Variants in SLC1A1 observed in about 807,000 individuals in gnomAD.
The protein encoded by SLC1A1 is solute carrier family 1 member 1.
Under a neutral mutation model 53.3 loss-of-function variants are expected in SLC1A1, and 43 were observed. The ratio of observed to expected loss-of-function variants is 0.81; its 90% CI spans 0.63 to 1.04. The LOEUF is 1.04. Among genes scored for constraint, SLC1A1 ranks in the 50% least tolerant of loss-of-function variants. SLC1A1 has a pLI of 0.00. For missense variants in SLC1A1, 748 were observed against 664.9 expected, an observed-to-expected ratio of 1.12 and a Z score of -1.37; for synonymous variants, 307 against 243.2, an observed-to-expected ratio of 1.26 and a Z score of -2.44.
intron 1 of SLC1A1, among the ~76,000 whole-genome samples, chr9:4,524,604 T>A (rs1816195271): frequency 6.6e-6 from 1 of 152,172 alleles, no homozygotes; most frequent in Admixed American, 6.5e-5. Context: ...GCTCTGTAAG[T>A]TGGGAAGTTC....
intron 1 of SLC1A1, among the ~76,000 whole-genome samples, chr9:4,526,787 G>T (rs1472071615): frequency 3.3e-5 from 5 of 151,872 alleles, no homozygotes; most frequent in Non-Finnish European, 7.4e-5. Context: ...TTGTAGTAAG[G>T]GATCTACAAT....
At chr9:4,493,556 A>C (rs1820311594) in intron 1 of SLC1A1, among the ~76,000 whole-genome samples, 1 of 152,196 alleles carries the variant, frequency 6.6e-6, no homozygotes, top group Non-Finnish European at 1.5e-5. Context: ...AAAAACTGTG[A>C]AATTTATTAA....
At chr9:4,526,492 G>C (rs1816263971) in intron 1 of SLC1A1, among the ~76,000 whole-genome samples, 1 of 152,166 alleles carries the variant, frequency 6.6e-6, no homozygotes. Flanking sequence ...CTCAAATTAA[G>C]TGATTATCTA....
intron 1 of SLC1A1, among the ~76,000 whole-genome samples, chr9:4,513,198 G>C (rs1349270425): frequency 2.1e-4 from 32 of 152,012 alleles, no homozygotes; most frequent in Admixed American, 2.1e-3. Context: ...GAAAAAAATT[G>C]GTAAGTTGGA....
chr9:4,531,591 A>G (rs952477368), intron 1 of SLC1A1, among the ~76,000 whole-genome samples: 2 of 152,142 alleles, frequency 1.3e-5, no homozygotes, highest in African/African-American at 4.8e-5. Flanking sequence ...ACTGCCCCTC[A>G]AGGAGGCCTG....
chr9:4,548,311 C>T (rs1044953279), intron 2 of SLC1A1, among the ~76,000 whole-genome samples: 15 of 152,142 alleles, frequency 9.9e-5, no homozygotes, highest in African/African-American at 3.4e-4. Flanking sequence ...ATTGCAAATG[C>T]CCTCATGAAT....
intron 1 of SLC1A1, among the ~76,000 whole-genome samples, chr9:4,500,372 G>C (rs1473013830): frequency 1.3e-5 from 2 of 152,102 alleles, no homozygotes; most frequent in African/African-American, 2.4e-5. Flanking sequence ...GCAGTAGTGC[G>C]ATCTCGGCTA....
intron 1 of SLC1A1, among the ~76,000 whole-genome samples, chr9:4,533,753 G>C (rs1346911533): frequency 2.0e-5 from 3 of 152,154 alleles, no homozygotes; most frequent in Non-Finnish European, 4.4e-5. Flanking sequence ...CAAATCAACA[G>C]AATATACATT....
Position 4,549,252 on chromosome 9 carries a change from G to C in SLC1A1, c.232+4545G>C, listed in dbSNP as rs1028810661. ...TTTAGCCTCTGCCACCCCCGCCTGG[G>C]CCAGAAGCACTCCAGTGGGCACAGC... On this transcript the variant is annotated intron_variant, in intron 2 of 11. Transcript: ENST00000262352. The surrounding 1 kb of genome is among the most constrained non-coding windows in gnomAD (Gnocchi z 4.1). Among the ~76,000 whole-genome samples, 3 of 152,082 alleles carry C rather than the reference G, an allele frequency of 2.0e-5. No homozygotes were observed. The highest frequency in any genetic ancestry group is 4.4e-5 in the Non-Finnish European group (3 of 68,016).
intron 1 of SLC1A1, among the ~76,000 whole-genome samples, chr9:4,494,817 C>T (rs1401417027): frequency 6.6e-6 from 1 of 152,058 alleles, no homozygotes; most frequent in Non-Finnish European, 1.5e-5. Context: ...TAAGGCACTT[C>T]TTATATCCTC....
chr9:4,514,833 T>G (rs1458894089), intron 1 of SLC1A1, among the ~76,000 whole-genome samples: 5 of 152,152 alleles, frequency 3.3e-5, no homozygotes, highest in African/African-American at 1.2e-4. Context: ...AGGAAGTTGA[T>G]GAAGTAGCCT....
intron 1 of SLC1A1, among the ~76,000 whole-genome samples, chr9:4,530,784 T>C (rs543090627): frequency 2.0e-5 from 3 of 152,180 alleles, no homozygotes; most frequent in Non-Finnish European, 4.4e-5. Context: ...TGGGATATAT[T>C]TGGATATTAA....
rs1355841391 is a variant in SLC1A1 at position 4,556,671 on chromosome 9, T to A, written c.233-4778T>A. Among the ~76,000 whole-genome samples, 1 of 152,232 alleles carries A rather than the reference T, an allele frequency of 6.6e-6. No individual in the cohort carries two copies. Among genetic ancestry groups the A allele is most frequent in the Non-Finnish European group, 1.5e-5 (1 of 68,042 alleles). On this transcript the variant is annotated intron_variant, in intron 2 of 11. Coordinates refer to ENST00000262352, the MANE Select transcript of SLC1A1 (RefSeq NM_004170.6). The surrounding 1 kb of genome is among the most constrained non-coding windows in gnomAD (Gnocchi z 4.1). ...ACGTCAACGCCAGTTAAGAGTCTAA[T>A]GCCTGGATTCTCATTCTCACAGTCA...
At chr9:4,519,008 G>A (rs550762098) in intron 1 of SLC1A1, among the ~76,000 whole-genome samples, 2 of 152,140 alleles carry the variant, frequency 1.3e-5, no homozygotes, top group Non-Finnish European at 2.9e-5. Flanking sequence ...TCACTATTCT[G>A]TCTGCCTTAG....
chr9:4,493,597 T>C (rs1191668708), intron 1 of SLC1A1, among the ~76,000 whole-genome samples: 4 of 152,240 alleles, frequency 2.6e-5, no homozygotes, highest in Non-Finnish European at 5.9e-5. Flanking sequence ...CTTCTGATTA[T>C]AGCCGTTCAA....
chr9:4,508,547 G>T (rs914444821), intron 1 of SLC1A1, among the ~76,000 whole-genome samples: 5 of 152,200 alleles, frequency 3.3e-5, no homozygotes, highest in African/African-American at 9.7e-5. Flanking sequence ...CACTTGAATT[G>T]TCATGTGTAC....
chr9:4,510,656 GT>G (rs1239795888), intron 1 of SLC1A1, among the ~76,000 whole-genome samples: 1 of 152,170 alleles, frequency 6.6e-6, no homozygotes, highest in Non-Finnish European at 1.5e-5. Context: ...GCCAGCACAG[GT>G]CAAGGTTTCT....
chr9:4,544,929 G>C (rs567879511), intron 2 of SLC1A1, among the ~76,000 whole-genome samples: 1 of 152,310 alleles, frequency 6.6e-6, no homozygotes, highest in Non-Finnish European at 1.5e-5. Context: ...GGGCGAAGCA[G>C]GAAGAGCCCG....
chr9:4,567,915 T>C, intron 6 of SLC1A1, 148 bp downstream of exon 6: 2 of 702,032 alleles, frequency 2.8e-6, no homozygotes, highest in South Asian at 1.5e-5. Context: ...CCAAAATCCA[T>C]ACTTAAGGGG....
Sources: gnomAD v4.1 joint callset for allele counts (sites outside exome capture counted in the v4.1 genomes callset) on GRCh38, gnomAD v4.1.1 for gene constraint, Gnocchi (gnomAD v3.1) non-coding constraint, MANE v1.5 for transcripts, NCBI Gene and HGNC (gene_info 2026-07-23, HGNC 2026-07-21) for gene names.